The following C4orf50 variants were observed in gnomAD, a reference collection of about 807,000 sequenced individuals.
The protein encoded by C4orf50 is chromosome 4 open reading frame 50, also known as uncharacterized protein C4orf50.
C4orf50 carries 80 observed loss-of-function variants against 77.2 expected under a neutral mutation model. That is an observed-to-expected ratio of 1.04 (90% confidence interval 0.87 to 1.25). The LOEUF is 1.25. Ranked by LOEUF, C4orf50 falls within the 50% of genes most tolerant of loss-of-function variation. The pLI, the probability that C4orf50 is intolerant of heterozygous loss-of-function variation, is 0.00. For synonymous variants in C4orf50, 532 were observed against 465.3 expected (o/e 1.14, Z -1.84); for missense variants, 1,257 against 1,152.9 (o/e 1.09, Z -1.31).
intron 7 of C4orf50, among the ~76,000 whole-genome samples, chr4:5,940,847 G>T (rs1447916750): frequency 6.6e-6 from 1 of 152,178 alleles, no homozygotes; most frequent in African/African-American, 2.4e-5. Context: ...GCAGAAACCT[G>T]AGCTAGTTTC....
At chr4:5,937,629 G>A (rs1019683363) in intron 7 of C4orf50, among the ~76,000 whole-genome samples, 3 of 152,108 alleles carry the variant, frequency 2.0e-5, no homozygotes, top group Non-Finnish European at 4.4e-5. Flanking sequence ...CCATTTAAAA[G>A]ACAAGGATTG....
At chr4:5,926,622 A>AT (rs796690787) in intron 7 of C4orf50, among the ~76,000 whole-genome samples, 60 of 147,726 alleles carry the variant, frequency 4.1e-4, no homozygotes, top group South Asian at 8.6e-4. Flanking sequence ...TTTTGCCTCA[A>AT]TTTTTTTTTT....
rs974992538 is a variant in C4orf50 at position 5,919,452 on chromosome 4, G to C, written c.*2475-21264C>G. On this transcript the variant is annotated intron_variant, in intron 7 of 7. Transcript: ENST00000324058. The surrounding 1 kb of genome is among the most constrained non-coding windows in gnomAD (Gnocchi z 6.5). ...GTGGGGGGCACACCCTTTCCTAAAG[G>C]GGACTCACCTGCCTCATGCCTCAGC... Among the ~76,000 whole-genome samples the C allele has an allele frequency of 6.6e-6, 1 of 152,166 alleles. No individual in the cohort carries two copies. Among genetic ancestry groups the C allele is most frequent in the Non-Finnish European group, 1.5e-5 (1 of 68,014 alleles).
intron 7 of C4orf50, among the ~76,000 whole-genome samples, chr4:5,950,072 A>C (rs918034861): frequency 3.9e-5 from 6 of 152,160 alleles, no homozygotes; most frequent in Admixed American, 3.9e-4. Flanking sequence ...AAAATTGTAT[A>C]GGTTGGTGCT....
At chr4:5,950,569 G>A (rs1307276094) in intron 7 of C4orf50, among the ~76,000 whole-genome samples, 2 of 152,110 alleles carry the variant, frequency 1.3e-5, no homozygotes, top group Non-Finnish European at 2.9e-5. Flanking sequence ...GTTCTCCTGG[G>A]CAAGCTACTT....
chr4:5,963,093 C>A (rs2108765557), intron 33 of C4orf50, among the ~76,000 whole-genome samples: 1 of 151,820 alleles, frequency 6.6e-6, no homozygotes, highest in East Asian at 1.9e-4. Context: ...CCTCCGCCTC[C>A]CAGGTTCAAG....
At chr4:5,930,674 C>T (rs1050535595) in intron 7 of C4orf50, among the ~76,000 whole-genome samples, 10 of 152,232 alleles carry the variant, frequency 6.6e-5, no homozygotes, top group African/African-American at 2.2e-4. Context: ...TGGGTCTGCT[C>T]ATCACCCTCT....
At chr4:6,003,122 C>A (rs2108802195) in intron 25 of C4orf50, among the ~76,000 whole-genome samples, 1 of 152,320 alleles carries the variant, frequency 6.6e-6, no homozygotes, top group Middle Eastern at 3.4e-3. Context: ...TGGCCCTTTG[C>A]ACAAGGCCAC....
intron 7 of C4orf50, among the ~76,000 whole-genome samples, chr4:5,929,423 C>T (rs555637975): frequency 4.0e-5 from 6 of 148,544 alleles, no homozygotes; most frequent in Admixed American, 2.0e-4. Flanking sequence ...TTTGCAAAAG[C>T]GAGCACATTC....
chr4:5,985,699 G>C (rs923855254), intron 28 of C4orf50, among the ~76,000 whole-genome samples: 2 of 152,198 alleles, frequency 1.3e-5, no homozygotes, highest in African/African-American at 4.8e-5. Flanking sequence ...TGGGCACAGT[G>C]GCTCACACCT....
At chr4:5,959,468 G>A in exon 34 of C4orf50, 2 of 1,614,194 alleles carry the variant, frequency 1.2e-6, no homozygotes, top group Non-Finnish European at 1.7e-6. Flanking sequence ...TCCTTGCTGG[G>A]CTCAGGAGCT....
Position 5,919,822 on chromosome 4 carries a change from C to G in C4orf50, c.*2475-21634G>C, listed in dbSNP as rs957831357. 6.6e-5 allele frequency among the ~76,000 whole-genome samples: 10 copies of G among 152,216 alleles called. No homozygotes were observed. Among genetic ancestry groups the G allele is most frequent in the Non-Finnish European group, 1.5e-4 (10 of 68,032 alleles). ...ATGGGAGAAGACGCTTCACCAGAATCAACTCTGAAATAGGGGTTTCTTCGG... is the reference window on the plus strand; with the variant it reads ...ATGGGAGAAGACGCTTCACCAGAATGAACTCTGAAATAGGGGTTTCTTCGG... On this transcript the variant is annotated intron_variant, in intron 7 of 7. Coordinates refer to the C4orf50 transcript ENST00000324058. The surrounding 1 kb of genome is among the most constrained non-coding windows in gnomAD (Gnocchi z 6.5).
At chr4:5,965,447 G>A (rs895073124) in intron 32 of C4orf50, among the ~76,000 whole-genome samples, 4 of 152,228 alleles carry the variant, frequency 2.6e-5, no homozygotes, top group African/African-American at 4.8e-5. Context: ...TTTGCAAGCC[G>A]GCTTAGCTTC....
intron 7 of C4orf50, among the ~76,000 whole-genome samples, chr4:5,947,007 T>C (rs944571089): frequency 6.6e-6 from 1 of 152,198 alleles, no homozygotes; most frequent in Non-Finnish European, 1.5e-5. Context: ...ACCATTTCAA[T>C]AAAGATGACA....
chr4:5,951,641 C>G (rs1223871704), intron 7 of C4orf50, among the ~76,000 whole-genome samples: 2 of 152,208 alleles, frequency 1.3e-5, no homozygotes, highest in African/African-American at 2.4e-5. Context: ...TGGTCTAAGA[C>G]AGACGGCATG....
chr4:5,917,046 C>A (rs1717057456), intron 7 of C4orf50, among the ~76,000 whole-genome samples: 1 of 152,154 alleles, frequency 6.6e-6, no homozygotes, highest in African/African-American at 2.4e-5. Flanking sequence ...AAAGTGGATC[C>A]AAGATTTCCA....
chr4:5,917,223 C>T (rs1030493726), intron 7 of C4orf50, among the ~76,000 whole-genome samples: 4 of 152,178 alleles, frequency 2.6e-5, no homozygotes, highest in Non-Finnish European at 5.9e-5. Flanking sequence ...CTCATTCACA[C>T]AGCCCTGCTT....
At chr4:6,004,330 A>G (rs1722114051) in intron 25 of C4orf50, among the ~76,000 whole-genome samples, 2 of 105,708 alleles carry the variant, frequency 1.9e-5, no homozygotes, top group Non-Finnish European at 3.6e-5. Flanking sequence ...CGTAATGGTG[A>G]TGATGGTGAT....
At chr4:5,987,141 T>C (rs1332253338) in intron 28 of C4orf50, among the ~76,000 whole-genome samples, 10 of 151,880 alleles carry the variant, frequency 6.6e-5, no homozygotes, top group Admixed American at 6.6e-4. Flanking sequence ...CCTCGTACGG[T>C]GGCGCATGCC....
Sources: gnomAD v4.1 joint callset for allele counts (sites outside exome capture counted in the v4.1 genomes callset) on GRCh38, gnomAD v4.1.1 for gene constraint, Gnocchi (gnomAD v3.1) non-coding constraint, MANE v1.5 for transcripts, NCBI Gene and HGNC (gene_info 2026-07-23, HGNC 2026-07-21) for gene names.